Variants in ATP13A4 observed in about 807,000 individuals in gnomAD.
ATP13A4 encodes probable cation-transporting ATPase 13A4.
Under a neutral mutation model 142.5 loss-of-function variants are expected in ATP13A4, and 114 were observed. The observed-to-expected ratio is 0.80, with a 90% CI of 0.69 to 0.93. The LOEUF (loss-of-function observed/expected upper bound fraction) is 0.93, where lower values mean the gene tolerates loss of function less well. Ranked by LOEUF, ATP13A4 falls within the 40% of genes least tolerant of loss-of-function variation. The pLI is 0.00. For synonymous variants in ATP13A4, 488 were observed against 514.8 expected, an observed-to-expected ratio of 0.95 and a Z score of 0.70; for missense variants, 1,392 against 1,454.0, an observed-to-expected ratio of 0.96 and a Z score of 0.69.
At chr3:193,442,238 A>G (rs563110850) in intron 19 of ATP13A4, among the ~76,000 whole-genome samples, 155 bp downstream of exon 19, 9 of 152,332 alleles carry the variant, frequency 5.9e-5, no homozygotes, top group Non-Finnish European at 1.2e-4. Context: ...CAATCTCTGT[A>G]TGAAAAGTAT....
chr3:193,593,072 T>G, exon 1 of ATP13A4: 4 of 371,182 alleles, frequency 1.1e-5, no homozygotes, highest in Non-Finnish European at 1.4e-5. Flanking sequence ...CGGGGCCCCG[T>G]GAGAGGCGAT....
intron 1 of ATP13A4, among the ~76,000 whole-genome samples, chr3:193,587,639 C>T (rs1448897326): frequency 6.6e-6 from 1 of 152,012 alleles, no homozygotes; most frequent in Non-Finnish European, 1.5e-5. Context: ...ACTCTGAGGC[C>T]CTCCTTAATT....
At chr3:193,486,009 G>T (rs760159547) in intron 7 of ATP13A4, among the ~76,000 whole-genome samples, 58 of 150,464 alleles carry the variant, frequency 3.9e-4, no homozygotes, top group Non-Finnish European at 7.8e-4. Flanking sequence ...CCATTCTCCT[G>T]CTAAATTATT....
chr3:193,526,345 G>A (rs1722001869), intron 1 of ATP13A4, among the ~76,000 whole-genome samples: 1 of 152,092 alleles, frequency 6.6e-6, no homozygotes. Flanking sequence ...AACTAACACA[G>A]GAACAGAAAA....
intron 2 of ATP13A4, among the ~76,000 whole-genome samples, chr3:193,508,924 C>A (rs1720993644): frequency 6.6e-6 from 1 of 151,332 alleles, no homozygotes; most frequent in African/African-American, 2.4e-5. Context: ...GTGCTAGGTG[C>A]CAGGGGGAAT....
At chr3:193,590,660 C>T (rs569517522) in intron 1 of ATP13A4, among the ~76,000 whole-genome samples, 8 of 152,242 alleles carry the variant, frequency 5.3e-5, no homozygotes, top group African/African-American at 1.9e-4. Context: ...TACATTCCTC[C>T]CCAAAGTTCA....
rs1421168741 is a variant in ATP13A4 at position 193,492,897 on chromosome 3, G to C, written c.533+20C>G. ...ATAATAATCCTTTTGAGCTAGTATA[G>C]GCAATAATATGCATGGTACCTAATC... On this transcript the variant is annotated intron_variant, in intron 5 of 29. Transcript: ENST00000342695. 3 of 1,559,890 alleles carry C rather than the reference G, an allele frequency of 1.9e-6. No individual in the cohort carries two copies. The highest frequency in any genetic ancestry group is 3.3e-5 in the Admixed American group (2 of 59,880).
intron 2 of ATP13A4, among the ~76,000 whole-genome samples, chr3:193,570,052 C>A (rs1724225874): frequency 6.6e-6 from 1 of 152,140 alleles, no homozygotes; most frequent in Non-Finnish European, 1.5e-5. Context: ...GTAATCCCAG[C>A]ACTTTGGGAG....
Position 193,424,822 on chromosome 3 carries a change from T to A in ATP13A4, c.2842+9023A>T, listed in dbSNP as rs1176725769. ...GGCAACAAAAGCAAAAATAGACAAA[T>A]GGGGATTACATAAAACTAAAAAGAT... On this transcript the variant is annotated intron_variant, in intron 25 of 29. Transcript: ENST00000342695. 2.7e-5 allele frequency among the ~76,000 whole-genome samples: 4 copies of A among 148,904 alleles called. No individual in the cohort carries two copies. The Admixed American group carries it at 2.8e-4, about 10-fold the overall frequency.
chr3:193,567,302 A>G (rs1490774269), intron 2 of ATP13A4, among the ~76,000 whole-genome samples: 1 of 152,214 alleles, frequency 6.6e-6, no homozygotes, highest in African/African-American at 2.4e-5. Context: ...CTGACAGTGA[A>G]TATCTCTGAG....
chr3:193,479,995 C>T (rs1022800232), intron 8 of ATP13A4, among the ~76,000 whole-genome samples: 12 of 152,028 alleles, frequency 7.9e-5, no homozygotes, highest in Admixed American at 7.9e-4. Context: ...TTTGACAAAG[C>T]GAACACAAAC....
At chr3:193,481,419 C>A (rs1719286961) in intron 8 of ATP13A4, among the ~76,000 whole-genome samples, 1 of 152,046 alleles carries the variant, frequency 6.6e-6, no homozygotes, top group African/African-American at 2.4e-5. Context: ...TACAAAAACA[C>A]ATACATATTT....
intron 2 of ATP13A4, among the ~76,000 whole-genome samples, chr3:193,504,448 A>G (rs1024106796): frequency 6.6e-6 from 1 of 152,226 alleles, no homozygotes; most frequent in Non-Finnish European, 1.5e-5. Flanking sequence ...TGTTCTAAGC[A>G]CATAATGCTA....
intron 1 of ATP13A4, among the ~76,000 whole-genome samples, chr3:193,538,014 T>C (rs1001669724): frequency 6.6e-6 from 1 of 152,160 alleles, no homozygotes; most frequent in Admixed American, 6.5e-5. Context: ...CTCGCGGTGA[T>C]GGAAACATTC....
chr3:193,483,836 A>G (rs1719447666), intron 8 of ATP13A4, 100 bp downstream of exon 8: 14 of 1,058,030 alleles, frequency 1.3e-5, no homozygotes, highest in Non-Finnish European at 2.1e-5. Context: ...AGGAGAAATG[A>G]ATATGAAGAT....
intron 25 of ATP13A4, among the ~76,000 whole-genome samples, chr3:193,417,543 C>T (rs1260476951): frequency 2.6e-5 from 4 of 152,142 alleles, no homozygotes; most frequent in African/African-American, 9.7e-5. Flanking sequence ...TCCATAATTA[C>T]ATTTTATGTA....
chr3:193,496,464 A>G (rs1720231137), intron 3 of ATP13A4, among the ~76,000 whole-genome samples: 1 of 152,186 alleles, frequency 6.6e-6, no homozygotes, highest in Admixed American at 6.5e-5. Flanking sequence ...AAGAACACAC[A>G]ATGGATAAAG....
At chr3:193,507,297 A>G (rs1720909838) in intron 2 of ATP13A4, among the ~76,000 whole-genome samples, 1 of 152,252 alleles carries the variant, frequency 6.6e-6, no homozygotes, top group East Asian at 1.9e-4. Flanking sequence ...ATAGACCCAT[A>G]ACTTTGGTAA....
At chr3:193,454,804 C>T (rs1717490454) in intron 16 of ATP13A4, among the ~76,000 whole-genome samples, 1 of 152,038 alleles carries the variant, frequency 6.6e-6, no homozygotes, top group Non-Finnish European at 1.5e-5. Flanking sequence ...TAGGCACAGG[C>T]AAAGATTTCA....
Sources: gnomAD v4.1 joint callset for allele counts (sites outside exome capture counted in the v4.1 genomes callset) on GRCh38, gnomAD v4.1.1 for gene constraint, MANE v1.5 for transcripts, NCBI Gene and HGNC (gene_info 2026-07-23, HGNC 2026-07-21) for gene names.